The following RAPGEF6 variants were observed in gnomAD, a reference collection of about 807,000 sequenced individuals.
RAPGEF6 encodes the protein PDZ domain containing guanine nucleotide exchange factor (GEF) 2.
Under a neutral mutation model 171.4 loss-of-function variants are expected in RAPGEF6, and 56 were observed. That is an observed-to-expected ratio of 0.33 (90% CI 0.26 to 0.41). The LOEUF is 0.41. RAPGEF6 is among the 10% of genes least tolerant of loss of function. The pLI, the probability that RAPGEF6 is intolerant of heterozygous loss-of-function variation, is 1.00. For missense variants in RAPGEF6, 1,674 were observed against 1,921.4 expected, an observed-to-expected ratio of 0.87 and a Z score of 2.41; for synonymous variants, 692 against 650.1, an observed-to-expected ratio of 1.06 and a Z score of -0.98.
chr5:131,629,329 T>C (rs1480613021), intron 1 of RAPGEF6, among the ~76,000 whole-genome samples: 2 of 148,826 alleles, frequency 1.3e-5, no homozygotes, highest in Non-Finnish European at 3.0e-5. Context: ...AAAAAAAAAA[T>C]TGTGAAGCAT....
chr5:131,589,477 A>G (rs114637145), intron 4 of RAPGEF6, among the ~76,000 whole-genome samples: 272 of 152,306 alleles, frequency 1.8e-3, no homozygotes, highest in African/African-American at 6.4e-3. Flanking sequence ...TGTATAAAGG[A>G]TAGTTTTGTC....
At chr5:131,469,884 T>G in intron 17 of RAPGEF6, 1 of 1,250,946 alleles carries the variant, frequency 8.0e-7, no homozygotes, top group Non-Finnish European at 1.1e-6. Context: ...TCTGTAGCTT[T>G]GCCCCCACTT....
chr5:131,519,939 T>C (rs1410217219), intron 7 of RAPGEF6, among the ~76,000 whole-genome samples: 1 of 152,206 alleles, frequency 6.6e-6, no homozygotes, highest in Admixed American at 6.5e-5. Context: ...TGTATTAACT[T>C]GTTTCATCTC....
Position 131,508,091 on chromosome 5 carries a change from T to A in RAPGEF6, c.922A>T (p.Ile308Phe). 6.2e-7 allele frequency: 1 copy of A among 1,607,268 alleles called. No homozygotes were observed. The highest frequency in any genetic ancestry group is 2.2e-5 in the East Asian group (1 of 44,460). The change falls in exon 9 of 28, where the codon ATT becomes TTT. Residue 308 changes from isoleucine (I) to phenylalanine (F), a missense_variant. Around this residue, in one of 3 missense-constraint regions of RAPGEF6, gnomAD observed 1,116 missense variants for 1,321.5 expected, o/e 0.84. Transcript: ENST00000509018. ...CCTACCTCTTGCCCATCTTCAAGAATAATAGCTCCAGCCTGCTCTACCACT... is the reference window on the plus strand; with the variant it reads ...CCTACCTCTTGCCCATCTTCAAGAAAAATAGCTCCAGCCTGCTCTACCACT... Reference protein sequence around the residue: ...FEVVEQAGAIILEDGQELDSW... With the variant: ...FEVVEQAGAIFLEDGQELDSW...
At chr5:131,548,933 G>T (rs1448483736) in intron 5 of RAPGEF6, among the ~76,000 whole-genome samples, 4 of 152,100 alleles carry the variant, frequency 2.6e-5, no homozygotes, top group African/African-American at 9.7e-5. Context: ...GCATGGTGGT[G>T]TGCACCTGTA....
At chr5:131,561,904 G>C (rs1761627425) in intron 5 of RAPGEF6, 74 bp downstream of exon 5, 2 of 1,149,910 alleles carry the variant, frequency 1.7e-6, no homozygotes, top group Admixed American at 1.9e-5. Context: ...CTCCTTAAGT[G>C]TTTAAAGCCT....
chr5:131,503,672 T>G (rs887545513), intron 11 of RAPGEF6, among the ~76,000 whole-genome samples: 3 of 152,218 alleles, frequency 2.0e-5, no homozygotes, highest in African/African-American at 7.2e-5. Flanking sequence ...GAAACAGTTA[T>G]GTGTTTATTT....
intron 21 of RAPGEF6, chr5:131,446,966 C>A: frequency 2.7e-6 from 1 of 375,212 alleles, no homozygotes; most frequent in Non-Finnish European, 4.9e-6. Flanking sequence ...TGTGTTTGTG[C>A]CTATGCAACC....
At chr5:131,624,894 G>A (rs969568867) in intron 1 of RAPGEF6, among the ~76,000 whole-genome samples, 5 of 152,138 alleles carry the variant, frequency 3.3e-5, no homozygotes, top group Admixed American at 6.5e-5. Context: ...AGGTCGAGGC[G>A]GGCAGATCAC....
intron 6 of RAPGEF6, among the ~76,000 whole-genome samples, chr5:131,543,395 T>G (rs1425425581): frequency 6.6e-6 from 1 of 152,140 alleles, no homozygotes; most frequent in Admixed American, 6.6e-5. Context: ...AATGAAAAAA[T>G]ACTGCGTTTA....
chr5:131,588,927 G>A lies in RAPGEF6; in HGVS notation c.281+3456C>T, dbSNP rs375226419. On this transcript the variant is annotated intron_variant, in intron 4 of 27. Coordinates refer to ENST00000509018, the MANE Select transcript of RAPGEF6 (RefSeq NM_016340.6). ...TCCACAAAAAGTATAAAAATTAGCC[G>A]GGCATGGTGGTGCATGCCTGTAATC... is the stretch of plus-strand genomic sequence containing the variant. 1.1e-4 allele frequency among the ~76,000 whole-genome samples: 16 copies of A among 151,928 alleles called. No homozygotes were observed. The East Asian group carries it at 1.2e-3, about 11-fold the overall frequency.
chr5:131,515,357 C>T (rs1304274394), intron 7 of RAPGEF6, among the ~76,000 whole-genome samples: 11 of 152,160 alleles, frequency 7.2e-5, no homozygotes, highest in South Asian at 2.1e-4. Flanking sequence ...CTCTACAACA[C>T]GGCAGGCAGG....
intron 17 of RAPGEF6, among the ~76,000 whole-genome samples, chr5:131,464,629 T>TTA (rs1754198556): frequency 6.6e-6 from 1 of 152,172 alleles, no homozygotes; most frequent in African/African-American, 2.4e-5. Flanking sequence ...GATATGTATT[T>TTA]TATATATTTC....
intron 23 of RAPGEF6, 21 bp downstream of exon 23, chr5:131,442,328 A>G (rs201233411): frequency 2.5e-6 from 4 of 1,578,592 alleles, no homozygotes; most frequent in Non-Finnish European, 3.4e-6. Flanking sequence ...AACGGATGTA[A>G]TATTAATGGT....
chr5:131,515,826 G>C (rs1345940867), intron 7 of RAPGEF6, among the ~76,000 whole-genome samples: 1 of 152,164 alleles, frequency 6.6e-6, no homozygotes, highest in East Asian at 1.9e-4. Context: ...GCAGAATCTA[G>C]AATGTGTAAG....
At chr5:131,437,339 T>A (rs1752074958) in intron 24 of RAPGEF6, among the ~76,000 whole-genome samples, 1 of 152,170 alleles carries the variant, frequency 6.6e-6, no homozygotes, top group African/African-American at 2.4e-5. Context: ...ATAAGAGCAA[T>A]GGAGGAATTC....
At chr5:131,437,032 A>G (rs1213515557) in intron 24 of RAPGEF6, among the ~76,000 whole-genome samples, 1 of 152,254 alleles carries the variant, frequency 6.6e-6, no homozygotes. Context: ...AACCAGGAAC[A>G]GATCCTAATA....
intron 6 of RAPGEF6, among the ~76,000 whole-genome samples, chr5:131,522,646 C>A (rs1013646961): frequency 6.6e-6 from 1 of 152,028 alleles, no homozygotes; most frequent in African/African-American, 2.4e-5. Flanking sequence ...AAACAGAAAA[C>A]CTGAAGTACA....
intron 6 of RAPGEF6, among the ~76,000 whole-genome samples, chr5:131,535,893 G>A (rs767409597): frequency 6.6e-6 from 1 of 152,090 alleles, no homozygotes; most frequent in Non-Finnish European, 1.5e-5. Flanking sequence ...GGTTACCATA[G>A]ATGAAGGTAA....
Sources: allele counts gnomAD v4.1 joint callset (sites outside exome capture counted in the v4.1 genomes callset), GRCh38; gene constraint gnomAD v4.1.1; regional missense constraint gnomAD v4.1.1; transcripts MANE v1.5; gene names NCBI Gene and HGNC (gene_info 2026-07-23, HGNC 2026-07-21).